ABCA9: variants seen among roughly 807,000 people sequenced by gnomAD.
ABCA9 encodes ATP-binding cassette sub-family A member 9.
ABCA9 carries 183 observed loss-of-function variants against 205.3 expected under a neutral mutation model. That is an observed-to-expected ratio of 0.89 (90% CI 0.79 to 1.01). ABCA9 has a LOEUF of 1.01. ABCA9 is among the 50% of genes least tolerant of loss of function. The probability of loss-of-function intolerance (pLI) is 0.00; values close to 1 mark genes in which losing one functional copy is unlikely to be tolerated. For synonymous variants in ABCA9, 651 were observed against 683.3 expected (o/e 0.95, Z 0.74); for missense variants, 1,805 against 1,912.4 (o/e 0.94, Z 1.05).
intron 23 of ABCA9, among the ~76,000 whole-genome samples, chr17:69,009,373 T>C (rs1239702547): frequency 2.0e-5 from 3 of 152,018 alleles, no homozygotes; most frequent in Non-Finnish European, 4.4e-5. Flanking sequence ...GAAAGCACTG[T>C]GGGCAGAGAG....
rs566403166 is a variant in ABCA9 at position 69,046,930 on chromosome 17, G to T, written c.305-1594C>A. ...ATATATATAAAATTTTATATATATA[G>T]AAAATTTTATATATATATATATAAT... is the stretch of plus-strand genomic sequence containing the variant. On this transcript the variant is annotated intron_variant, in intron 3 of 38. Transcript: ENST00000340001. Among the ~76,000 whole-genome samples, 948 of 96,716 alleles carry T rather than the reference G, an allele frequency of 9.8e-3. 12 individuals are homozygous for T. Among genetic ancestry groups the T allele is most frequent in the African/African-American group, 0.028 (875 of 31,562 alleles). The allele number at this position is 96,716 out of a possible 152,430, so 63.4% of individuals were successfully genotyped here. A position where few individuals can be genotyped will look rare whatever the true frequency, so the allele number is the denominator to read the frequency against.
At chr17:69,004,706 C>G in intron 25 of ABCA9, 1 of 166,804 alleles carries the variant, frequency 6.0e-6, no homozygotes, top group Admixed American at 6.4e-5. Flanking sequence ...CGCCCCTCCC[C>G]CAGCCTCGCT....
At position 68,989,045 on chromosome 17, in the gene ABCA9, T is replaced by C. The variant is rs760908516; in HGVS notation, c.4029A>G (p.Thr1343=). The stretch of plus-strand genomic sequence containing the variant: ...TACTGACCTGTCCTGCAGTTGGTTT[T>C]GTGTCTCCAGTTATCATCTTAATAG... ...STTIKMITGD[T]KPTAGQVILK... is the part of the protein sequence containing the mutation. The change falls in exon 31 of 39, where the codon ACA becomes ACG. Residue 1343 remains threonine (T), a synonymous_variant. Transcript: ENST00000340001. 7 of 1,612,378 alleles carry C rather than the reference T, an allele frequency of 4.3e-6. No individual in the cohort carries two copies. The East Asian group carries it at 8.9e-5, about 21-fold the overall frequency.
intron 1 of ABCA9, among the ~76,000 whole-genome samples, chr17:69,057,619 C>A (rs1366948350): frequency 1.3e-5 from 2 of 152,188 alleles, no homozygotes; most frequent in Non-Finnish European, 2.9e-5. Flanking sequence ...TGACCTACTA[C>A]AACATAATGA....
rs1364849349 is a variant in ABCA9, at chr17:68,974,706, T to C, written c.*1209A>G. 4 of 152,134 alleles carry C rather than the reference T, an allele frequency of 2.6e-5. No homozygotes were observed. The highest frequency in any genetic ancestry group is 5.9e-5 in the Non-Finnish European group (4 of 68,016). 9.4% of individuals were successfully genotyped at this position (152,134 alleles called of 1,614,324 possible). A position where few individuals can be genotyped will look rare whatever the true frequency, so the allele number is the denominator to read the frequency against. ...TAGGTCATAATAATATATAGAGATATGGGAAATTAAGACCTATGAAGTTTT... is the reference window on the plus strand; with the variant it reads ...TAGGTCATAATAATATATAGAGATACGGGAAATTAAGACCTATGAAGTTTT... On this transcript the variant is annotated 3_prime_UTR_variant, in exon 39 of 39. Transcript: ENST00000340001.
chr17:69,032,603 T>C (rs1025881694), intron 9 of ABCA9: 1 of 170,314 alleles, frequency 5.9e-6, no homozygotes, highest in African/African-American at 2.4e-5. Context: ...GTGTCCTTTT[T>C]ATTTTTTATT....
the ABCA9 span, among the ~76,000 whole-genome samples, chr17:69,073,823 G>A: frequency 2.6e-5 from 4 of 152,028 alleles, no homozygotes; most frequent in Non-Finnish European, 5.9e-5. Flanking sequence ...CAGCCTCCTG[G>A]GTAGCTTGGA....
chr17:69,027,001 A>T lies in ABCA9; in HGVS notation c.2025T>A (p.Phe675Leu). ...SDRVILFSTQ[F>L]IDEADILADR... is the part of the protein sequence containing the mutation. ...CCGCCAGAATGTCAGCCTCATCTAT[A>T]AACTGGGTGCTGAAGAGAATTACTC... Residue 675 changes from phenylalanine to leucine, a missense_variant, in exon 15 of 39, where the codon TTT becomes TTA. Transcript: ENST00000340001. 6.2e-7 allele frequency: 1 copy of T among 1,614,106 alleles called. No homozygotes were observed. The highest frequency in any genetic ancestry group is 8.5e-7 in the Non-Finnish European group (1 of 1,179,982).
At chr17:69,019,792 G>A (rs2070754967) in intron 19 of ABCA9, 1 of 152,150 alleles carries the variant, frequency 6.6e-6, no homozygotes, top group South Asian at 2.1e-4. Context: ...TGAAGCCAAG[G>A]CAGACTCTTT....
At chr17:69,011,948 A>C (rs749301143) in intron 23 of ABCA9, 28 bp downstream of exon 23, 1 of 1,524,736 alleles carries the variant, frequency 6.6e-7, no homozygotes, top group East Asian at 2.3e-5. Flanking sequence ...AGATATAAAA[A>C]ACATGTGAAG....
Position 69,007,931 on chromosome 17 carries a change from T to C in ABCA9, c.3322-59A>G, listed in dbSNP as rs7222838. On this transcript the variant is annotated intron_variant, in intron 24 of 38. Coordinates refer to ENST00000340001, the MANE Select transcript of ABCA9 (RefSeq NM_080283.4). Reference sequence around the variant, plus strand: ...AATACTATCTAGAAGAGTACTCATATTTACTCTTCAATTTTCCAAAACTAT... The same window carrying C: ...AATACTATCTAGAAGAGTACTCATACTTACTCTTCAATTTTCCAAAACTAT... 0.017 allele frequency: 23,843 copies of C among 1,418,236 alleles called. 2,696 individuals carry two copies. The African/African-American group carries it at 0.27, about 16-fold the overall frequency. 87.9% of individuals were successfully genotyped at this position (1,418,236 alleles called of 1,614,324 possible).
chr17:69,063,070 G>T (rs1301312289), upstream of ABCA9, among the ~76,000 whole-genome samples: 1 of 152,174 alleles, frequency 6.6e-6, no homozygotes, highest in African/African-American at 2.4e-5. Flanking sequence ...TACATAACTT[G>T]CCCAAATTCA....
chr17:69,054,341 G>A (rs1282511580), intron 1 of ABCA9, among the ~76,000 whole-genome samples: 2 of 151,876 alleles, frequency 1.3e-5, no homozygotes, highest in Non-Finnish European at 2.9e-5. Context: ...GGGCAACATA[G>A]GGAGACCCTG....
At chr17:69,041,491 G>C (rs2071535673) in intron 6 of ABCA9, among the ~76,000 whole-genome samples, 2 of 152,016 alleles carry the variant, frequency 1.3e-5, no homozygotes, top group African/African-American at 4.8e-5. Flanking sequence ...ATCACTTGAG[G>C]TCAGGAGTTC....
rs2144045832 is a variant in ABCA9, at chr17:68,992,948, G to A, written c.3624+68C>T. On this transcript the variant is annotated intron_variant, in intron 27 of 38. Transcript: ENST00000340001. ...AACCTTCTTAATTTGATGCAATTCA[G>A]AGAAACTCAAAACATACAAAAGTTG... 2.3e-6 allele frequency: 3 copies of A among 1,319,528 alleles called. No individual in the cohort carries two copies. In the South Asian group the frequency reaches 3.7e-5, roughly 16 times the overall value. 81.7% of individuals were successfully genotyped at this position (1,319,528 alleles called of 1,614,324 possible). A position where few individuals can be genotyped will look rare whatever the true frequency, so the allele number is the denominator to read the frequency against.
chr17:69,035,821 G>T lies in ABCA9; in HGVS notation c.801-20C>A. On this transcript the variant is annotated intron_variant, in intron 6 of 38. Coordinates refer to ENST00000340001, the MANE Select transcript of ABCA9 (RefSeq NM_080283.4). ...GAAAGCCTAGCAGAGAAACAAAGCC[G>T]TCAGTTAGAATGTTGTTACTTCATC... 6.2e-7 allele frequency: 1 copy of T among 1,603,756 alleles called. No individual in the cohort carries two copies. Among genetic ancestry groups the T allele is most frequent in the Non-Finnish European group, 8.5e-7 (1 of 1,174,616 alleles).
At chr17:69,030,693 T>C (rs2071124441) in intron 10 of ABCA9, among the ~76,000 whole-genome samples, 1 of 152,178 alleles carries the variant, frequency 6.6e-6, no homozygotes, top group Admixed American at 6.6e-5. Flanking sequence ...TTTCCCTATC[T>C]TTTCTTTTTA....
intron 17 of ABCA9, 91 bp downstream of exon 17, chr17:69,024,123 C>A: frequency 7.2e-7 from 1 of 1,384,444 alleles, no homozygotes; most frequent in South Asian, 1.3e-5. Context: ...ATTCATCTAG[C>A]AAGCATTAAA....
At chr17:68,982,938 T>G (rs1844407217) in intron 36 of ABCA9, among the ~76,000 whole-genome samples, 2 of 152,104 alleles carry the variant, frequency 1.3e-5, no homozygotes, top group African/African-American at 4.8e-5. Context: ...CCCATGGGAT[T>G]GAGGCTGCAG....
Sources: gnomAD v4.1 joint callset for allele counts (sites outside exome capture counted in the v4.1 genomes callset) on GRCh38, gnomAD v4.1.1 for gene constraint, MANE v1.5 for transcripts, NCBI Gene and HGNC (gene_info 2026-07-23, HGNC 2026-07-21) for gene names.